LGR5: variants seen among roughly 807,000 people sequenced by gnomAD.
LGR5 encodes the protein leucine rich repeat containing G protein-coupled receptor 5, also known as leucine-rich repeat-containing G protein-coupled receptor 5.
Under a neutral mutation model 76.7 loss-of-function variants are expected in LGR5, and 54 were observed. That is an observed-to-expected ratio of 0.70 (90% CI 0.57 to 0.88). The LOEUF (loss-of-function observed/expected upper bound fraction) is 0.88. LGR5 is among the 40% of genes least tolerant of loss of function. LGR5 has a pLI of 0.00. For missense variants in LGR5, 1,078 were observed against 1,073.3 expected (o/e 1.00, Z -0.06); for synonymous variants, 406 against 421.9 (o/e 0.96, Z 0.46).
intron 6 of LGR5, among the ~76,000 whole-genome samples, chr12:71,558,553 G>T (rs1241017452): frequency 6.6e-6 from 1 of 152,180 alleles, no homozygotes; most frequent in Non-Finnish European, 1.5e-5. Context: ...CAAACAGGAA[G>T]AAAATTTATG....
At chr12:71,554,547 G>A (rs1877662993) in intron 5 of LGR5, among the ~76,000 whole-genome samples, 1 of 152,198 alleles carries the variant, frequency 6.6e-6, no homozygotes, top group Non-Finnish European at 1.5e-5. Flanking sequence ...CCAAGGCAAG[G>A]AGGGAGTTTG....
At chr12:71,481,901 A>G (rs1011847772) in intron 1 of LGR5, among the ~76,000 whole-genome samples, 1 of 152,214 alleles carries the variant, frequency 6.6e-6, no homozygotes, top group Non-Finnish European at 1.5e-5. Flanking sequence ...TTTAACAGAC[A>G]TAACAGACAC....
In LGR5 at chr12:71,584,527, C is replaced by T. The variant is rs563828045; in HGVS notation, c.2517C>T (p.Tyr839=). The T allele has an allele frequency of 1.0e-4, 161 of 1,614,122 alleles. No individual in the cohort carries two copies. The highest frequency in any genetic ancestry group is 6.8e-4 in the African/African-American group (51 of 75,050). ...TGGTGAGCCTGAGAAAGCAAACCTA[C>T]GTCTGGACAAGATCAAAACACCCAA... ...EDLVSLRKQT[Y]VWTRSKHPSL... is the part of the protein sequence containing the mutation. Residue 839 remains tyrosine, a synonymous_variant, in exon 18 of 18, where the codon TAC becomes TAT. Coordinates refer to ENST00000266674, the MANE Select transcript of LGR5 (RefSeq NM_003667.4).
At chr12:71,532,943 G>T (rs1365300766) in intron 3 of LGR5, among the ~76,000 whole-genome samples, 5 of 152,100 alleles carry the variant, frequency 3.3e-5, no homozygotes, top group Admixed American at 2.0e-4. Context: ...TGTAGACCAG[G>T]CTACTCTAAA....
intron 2 of LGR5, among the ~76,000 whole-genome samples, chr12:71,508,744 C>G (rs1353851385): frequency 8.9e-6 from 1 of 112,122 alleles, no homozygotes; most frequent in African/African-American, 3.6e-5. Context: ...TAGAGTGAGA[C>G]TCAGTCTCAA....
chr12:71,574,637 A>G (rs1878770571), intron 13 of LGR5, among the ~76,000 whole-genome samples: 1 of 152,150 alleles, frequency 6.6e-6, no homozygotes, highest in Non-Finnish European at 1.5e-5. Context: ...TCAAGATCAG[A>G]CCAAACTTCC....
At chr12:71,484,709 A>G (rs1025088020) in intron 1 of LGR5, among the ~76,000 whole-genome samples, 11 of 152,106 alleles carry the variant, frequency 7.2e-5, no homozygotes, top group African/African-American at 2.7e-4. Context: ...CTATTTTGGG[A>G]TGTGAGCTGA....
intron 3 of LGR5, among the ~76,000 whole-genome samples, chr12:71,534,168 G>A (rs1249882341): frequency 6.1e-5 from 1 of 16,262 alleles, no homozygotes. Context: ...AAAATACTGG[G>A]AGAAAAAAAA....
At chr12:71,484,119 A>G (rs897421333) in intron 1 of LGR5, among the ~76,000 whole-genome samples, 2 of 152,194 alleles carry the variant, frequency 1.3e-5, no homozygotes, top group Non-Finnish European at 2.9e-5. Context: ...GTTCAAGGCT[A>G]GAAATTGTTC....
chr12:71,527,751 A>T (rs1014721610), intron 3 of LGR5, among the ~76,000 whole-genome samples: 13 of 152,176 alleles, frequency 8.5e-5, no homozygotes, highest in African/African-American at 3.1e-4. Flanking sequence ...TTTCAACATG[A>T]ATTTTTGGAG....
chr12:71,511,316 T>C (rs1489443918), intron 2 of LGR5, among the ~76,000 whole-genome samples: 1 of 152,174 alleles, frequency 6.6e-6, no homozygotes, highest in Non-Finnish European at 1.5e-5. Context: ...ATTTATTCTT[T>C]ATCTAAACTT....
intron 12 of LGR5, among the ~76,000 whole-genome samples, chr12:71,571,782 A>G (rs1443613250): frequency 1.3e-5 from 2 of 152,226 alleles, no homozygotes; most frequent in Non-Finnish European, 2.9e-5. Context: ...ACTGTACCAT[A>G]TTAGTAAAAC....
rs767933403 is a variant in LGR5, at chr12:71,508,624, C to T, written c.284+3939C>T. ...CAAAAATTAGCTGGGTGTTGTGGCGCGCGCCTGTAGTTCCAGCTACTCAGG... is the reference window on the plus strand; with the variant it reads ...CAAAAATTAGCTGGGTGTTGTGGCGTGCGCCTGTAGTTCCAGCTACTCAGG... On this transcript the variant is annotated intron_variant, in intron 2 of 17. Coordinates refer to ENST00000266674, the MANE Select transcript of LGR5 (RefSeq NM_003667.4). Among the ~76,000 whole-genome samples, 20 of 151,062 alleles carry T rather than the reference C, an allele frequency of 1.3e-4. 1 individual carries two copies. The highest frequency in any genetic ancestry group is 1.9e-4 in the Non-Finnish European group (13 of 67,722).
intron 1 of LGR5, among the ~76,000 whole-genome samples, chr12:71,500,062 G>A (rs1874523539): frequency 6.6e-6 from 1 of 151,978 alleles, no homozygotes; most frequent in South Asian, 2.1e-4. Flanking sequence ...TAGGGATGGT[G>A]GGAAAGGGAA....
chr12:71,578,730 G>A (rs980073326), intron 14 of LGR5, 74 bp from the exon 15 acceptor site: 2 of 1,413,916 alleles, frequency 1.4e-6, no homozygotes, highest in Non-Finnish European at 1.9e-6. Flanking sequence ...CGATCTTTAG[G>A]TTGTTGTTTT....
chr12:71,511,142 C>A (rs1193686145), intron 2 of LGR5, among the ~76,000 whole-genome samples: 1 of 152,116 alleles, frequency 6.6e-6, no homozygotes, highest in Admixed American at 6.5e-5. Flanking sequence ...ATTATGGAAG[C>A]CGAAGGACCT....
rs1260942104 is a variant in LGR5 at position 71,572,833 on chromosome 12, G to A, written c.1137-17G>A. 4 of 1,605,318 alleles carry A rather than the reference G, an allele frequency of 2.5e-6. No individual in the cohort carries two copies. In the South Asian group the frequency reaches 4.4e-5, roughly 18 times the overall value. On this transcript the variant is annotated splice_polypyrimidine_tract_variant and intron_variant, in intron 12 of 17. Transcript: ENST00000266674. ...CCAGTAACTTTGAAATCAATCTTTG[G>A]AACCCTGTCATTTCAGTGACCTAAG...
At chr12:71,521,154 GAGAC>G (rs1445848000) in intron 2 of LGR5, among the ~76,000 whole-genome samples, 1 of 152,230 alleles carries the variant, frequency 6.6e-6, no homozygotes, top group Non-Finnish European at 1.5e-5. Context: ...ATAAAGCAGA[GAGAC>G]AGAGAATATT....
intron 4 of LGR5, among the ~76,000 whole-genome samples, chr12:71,540,724 C>T (rs1876833347): frequency 1.3e-5 from 2 of 152,060 alleles, no homozygotes; most frequent in South Asian, 4.1e-4. Context: ...GCAGTTTTCT[C>T]CCATTAATAT....
Sources: gnomAD v4.1 joint callset for allele counts (sites outside exome capture counted in the v4.1 genomes callset) on GRCh38, gnomAD v4.1.1 for gene constraint, MANE v1.5 for transcripts, NCBI Gene and HGNC (gene_info 2026-07-23, HGNC 2026-07-21) for gene names.